The following SKAP2 variants were observed in gnomAD, a reference collection of about 807,000 sequenced individuals.
The protein encoded by SKAP2 is src kinase associated phosphoprotein 2, also known as src kinase-associated phosphoprotein 2.
Under a neutral mutation model 54.9 loss-of-function variants are expected in SKAP2, and 28 were observed. That is an observed-to-expected ratio of 0.51 (90% CI 0.38 to 0.70). SKAP2 has a LOEUF of 0.70. Ranked by LOEUF, SKAP2 falls within the 30% of genes least tolerant of loss-of-function variation. The pLI is 0.00. For synonymous variants in SKAP2, 137 were observed against 134.3 expected (o/e 1.02, Z -0.14); for missense variants, 356 against 424.1 (o/e 0.84, Z 1.41).
At chr7:26,746,258 G>T (rs1369956689) in intron 4 of SKAP2, among the ~76,000 whole-genome samples, 1 of 152,120 alleles carries the variant, frequency 6.6e-6, no homozygotes, top group Non-Finnish European at 1.5e-5. Context: ...TTCCACAAGT[G>T]CAGTTTAATT....
rs147706282 is a variant in SKAP2, at chr7:26,745,712, G to A, written c.308-5748C>T. ...GTATGTTCTGTAGAGGCAAGGTTTC[G>A]CCATGTTGCCCAGGCTGATCTCAAA... On this transcript the variant is annotated intron_variant, in intron 4 of 12. Transcript: ENST00000345317. Among the ~76,000 whole-genome samples, 465 of 152,120 alleles carry A rather than the reference G, an allele frequency of 3.1e-3. 2 individuals are homozygous for A. The highest frequency in any genetic ancestry group is 0.01 in the Middle Eastern group (3 of 294).
At chr7:26,859,757 A>T (rs765456167) in intron 1 of SKAP2, among the ~76,000 whole-genome samples, 3 of 152,236 alleles carry the variant, frequency 2.0e-5, no homozygotes, top group Non-Finnish European at 4.4e-5. Flanking sequence ...GCCACAGTGA[A>T]TAACACATTA....
intron 4 of SKAP2, among the ~76,000 whole-genome samples, chr7:26,748,418 T>G (rs962664556): frequency 3.3e-5 from 5 of 152,124 alleles, no homozygotes; most frequent in African/African-American, 7.2e-5. Flanking sequence ...AAGGTTTTAC[T>G]TTAGAGACAA....
chr7:26,845,323 A>G lies in SKAP2; in HGVS notation c.200-1186T>C, dbSNP rs374413052. Among the ~76,000 whole-genome samples the G allele has an allele frequency of 9.9e-5, 15 of 152,282 alleles. 1 individual carries two copies. Among genetic ancestry groups the G allele is most frequent in the African/African-American group, 3.6e-4 (15 of 41,552 alleles). ...TTGGTAGAGAAAATAGCCTCTCTCA[A>G]GACAACACTGTCCAAATAATTTTTT... On this transcript the variant is annotated intron_variant, in intron 3 of 12. Transcript: ENST00000345317.
At chr7:26,782,126 T>C (rs753099997) in intron 4 of SKAP2, among the ~76,000 whole-genome samples, 1 of 152,228 alleles carries the variant, frequency 6.6e-6, no homozygotes, top group Non-Finnish European at 1.5e-5. Flanking sequence ...AATCCTGGCA[T>C]ATAGCAGGAG....
At chr7:26,863,556 T>C (rs1785310666) in intron 1 of SKAP2, among the ~76,000 whole-genome samples, 1 of 152,152 alleles carries the variant, frequency 6.6e-6, no homozygotes, top group Non-Finnish European at 1.5e-5. Context: ...CATACACACC[T>C]CCGTATCCAG....
At chr7:26,747,312 G>A (rs1782578419) in intron 4 of SKAP2, among the ~76,000 whole-genome samples, 1 of 152,022 alleles carries the variant, frequency 6.6e-6, no homozygotes, top group Non-Finnish European at 1.5e-5. Context: ...ACATAAAGAT[G>A]GTCAACTTTC....
chr7:26,819,502 T>C (rs1169397960), intron 4 of SKAP2, among the ~76,000 whole-genome samples: 1 of 151,676 alleles, frequency 6.6e-6, no homozygotes. Flanking sequence ...GAAACCACCA[T>C]GACACATGTA....
chr7:26,716,903 C>T (rs1241557022), intron 9 of SKAP2, among the ~76,000 whole-genome samples: 2 of 152,166 alleles, frequency 1.3e-5, no homozygotes, highest in Admixed American at 6.5e-5. Context: ...TTAGTTTTGC[C>T]TCTTTTTTAG....
chr7:26,738,706 T>C, intron 6 of SKAP2, 89 bp downstream of exon 6: 1 of 697,578 alleles, frequency 1.4e-6, no homozygotes, highest in Non-Finnish European at 2.6e-6. Context: ...TTAGTTTGTC[T>C]TCAGTTTACT....
intron 4 of SKAP2, among the ~76,000 whole-genome samples, chr7:26,748,783 G>T (rs1782613882): frequency 6.6e-6 from 1 of 152,000 alleles, no homozygotes; most frequent in Admixed American, 6.6e-5. Flanking sequence ...TATGAACTGG[G>T]TTTTAATTTA....
At chr7:26,760,199 T>C (rs73278893) in intron 4 of SKAP2, among the ~76,000 whole-genome samples, 2 of 152,160 alleles carry the variant, frequency 1.3e-5, no homozygotes, top group African/African-American at 4.8e-5. Flanking sequence ...ATCCTTGGAA[T>C]TCAAACTACT....
chr7:26,864,055 T>TCACTCACACA (rs1554310126), intron 1 of SKAP2, among the ~76,000 whole-genome samples: 1 of 143,332 alleles, frequency 7.0e-6, no homozygotes, highest in African/African-American at 2.6e-5. Flanking sequence ...CGCCCTTCTG[T>TCACTCACACA]CACACACACA....
chr7:26,738,362 A>T (rs1177480579), intron 6 of SKAP2, among the ~76,000 whole-genome samples: 1 of 152,212 alleles, frequency 6.6e-6, no homozygotes, highest in Non-Finnish European at 1.5e-5. Context: ...TTATTCCTTA[A>T]ATCTGTAAAG....
intron 12 of SKAP2, among the ~76,000 whole-genome samples, 178 bp downstream of exon 12, chr7:26,669,913 A>C (rs1299955359): frequency 1.3e-5 from 2 of 152,158 alleles, no homozygotes; most frequent in Admixed American, 6.5e-5. Context: ...TAAAGTTTTT[A>C]TTTTAAAAAT....
At chr7:26,688,536 T>A (rs184748167) in intron 10 of SKAP2, among the ~76,000 whole-genome samples, 1 of 152,306 alleles carries the variant, frequency 6.6e-6, no homozygotes, top group Admixed American at 6.5e-5. Flanking sequence ...GCAAACAAAC[T>A]TCTAGTGTTA....
At chr7:26,827,825 G>A (rs547205410) in intron 4 of SKAP2, among the ~76,000 whole-genome samples, 21 of 152,174 alleles carry the variant, frequency 1.4e-4, no homozygotes, top group African/African-American at 2.2e-4. Context: ...TTATGTTGTC[G>A]TTGACCAGTA....
At chr7:26,752,067 T>A (rs1032829332) in intron 4 of SKAP2, among the ~76,000 whole-genome samples, 1 of 152,134 alleles carries the variant, frequency 6.6e-6, no homozygotes, top group African/African-American at 2.4e-5. Flanking sequence ...CAATATTTTT[T>A]AAAATCAAGG....
chr7:26,684,797 G>A lies in SKAP2; in HGVS notation c.926C>T (p.Thr309Ile). The A allele has an allele frequency of 1.9e-6, 3 of 1,613,036 alleles. No individual in the cohort carries two copies. Among genetic ancestry groups the A allele is most frequent in the Non-Finnish European group, 2.5e-6 (3 of 1,179,232 alleles). ...TGACAACTCATCAGAAAAAGCTCCA[G>A]TACAATCCCACAATCCCTGGTAAAA... ...ANFYQGLWDCTGAFSDELSFK... is the reference protein window; with the variant it reads ...ANFYQGLWDCIGAFSDELSFK... Residue 309 changes from threonine to isoleucine, a missense_variant, in exon 11 of 13, where the codon ACT (threonine) becomes ATT (isoleucine). Coordinates refer to ENST00000345317, the MANE Select transcript of SKAP2 (RefSeq NM_003930.5).
Sources: allele counts gnomAD v4.1 joint callset (sites outside exome capture counted in the v4.1 genomes callset), GRCh38; gene constraint gnomAD v4.1.1; transcripts MANE v1.5; gene names NCBI Gene and HGNC (gene_info 2026-07-23, HGNC 2026-07-21).